MAP2K4: variants seen among roughly 807,000 people sequenced by gnomAD.
MAP2K4 encodes dual specificity mitogen-activated protein kinase kinase 4.
MAP2K4 carries 4 observed loss-of-function variants against 48.5 expected under a neutral mutation model. The observed-to-expected ratio is 0.08, with a 90% CI of 0.04 to 0.19. MAP2K4 has a LOEUF of 0.19. Ranked by LOEUF, MAP2K4 falls within the 10% of genes least tolerant of loss-of-function variation. The probability of loss-of-function intolerance (pLI) is 1.00; values close to 1 mark genes in which losing one functional copy is unlikely to be tolerated. For synonymous variants in MAP2K4, 166 were observed against 173.1 expected (o/e 0.96, Z 0.32); for missense variants, 258 against 493.3 (o/e 0.52, Z 4.52).
intron 2 of MAP2K4, among the ~76,000 whole-genome samples, chr17:12,072,016 A>G (rs929206826): frequency 4.6e-5 from 7 of 152,226 alleles, no homozygotes; most frequent in South Asian, 2.1e-4. Flanking sequence ...ATGGTGAAGA[A>G]TCAAATAGTA....
Position 12,141,390 on chromosome 17 carries a change from C to T in MAP2K4, c.*130C>T, listed in dbSNP as rs1973373462. ...GTGCAATAAGATTGGTGTTCGTTTCCATCATGTCTGTATACTCCTGTCACC... is the reference window on the plus strand; with the variant it reads ...GTGCAATAAGATTGGTGTTCGTTTCTATCATGTCTGTATACTCCTGTCACC... On this transcript the variant is annotated 3_prime_UTR_variant, in exon 11 of 11. Coordinates refer to ENST00000353533, the MANE Select transcript of MAP2K4 (RefSeq NM_003010.4). 4.2e-6 allele frequency: 3 copies of T among 708,586 alleles called. No homozygotes were observed. In the East Asian group the frequency reaches 7.8e-5, roughly 18 times the overall value. 43.9% of individuals were successfully genotyped at this position (708,586 alleles called of 1,614,324 possible).
At chr17:12,078,051 G>A (rs1256658845) in intron 2 of MAP2K4, among the ~76,000 whole-genome samples, 2 of 152,202 alleles carry the variant, frequency 1.3e-5, no homozygotes, top group African/African-American at 4.8e-5. Flanking sequence ...CTTCAGTACA[G>A]TCACATTTGG....
intron 7 of MAP2K4, among the ~76,000 whole-genome samples, chr17:12,119,441 T>A (rs1490338082): frequency 6.6e-6 from 1 of 152,188 alleles, no homozygotes; most frequent in Non-Finnish European, 1.5e-5. Flanking sequence ...CACAATGAGA[T>A]ACATCTCACA....
At chr17:12,125,476 A>G in intron 8 of MAP2K4, 105 bp downstream of exon 8, 1 of 854,786 alleles carries the variant, frequency 1.2e-6, no homozygotes, top group Non-Finnish European at 2.0e-6. Context: ...AACTATAATC[A>G]CAGACACTAT....
chr17:12,132,948 A>G (rs978153804), intron 9 of MAP2K4, among the ~76,000 whole-genome samples: 9 of 152,188 alleles, frequency 5.9e-5, no homozygotes, highest in East Asian at 1.9e-4. Context: ...TTGCACAGTG[A>G]ATTTCGACAT....
chr17:12,103,066 G>T (rs892752184), intron 4 of MAP2K4, among the ~76,000 whole-genome samples: 8 of 150,412 alleles, frequency 5.3e-5, no homozygotes, highest in Non-Finnish European at 1.2e-4. Flanking sequence ...AAAAGTCAGG[G>T]TCTTGCTCTG....
At chr17:12,042,480 T>C (rs970597681) in intron 1 of MAP2K4, among the ~76,000 whole-genome samples, 2 of 151,736 alleles carry the variant, frequency 1.3e-5, no homozygotes, top group African/African-American at 2.4e-5. Context: ...ACCCCTTCTC[T>C]ACAAAAAAAT....
chr17:12,049,754 G>A (rs1294140824), intron 1 of MAP2K4, among the ~76,000 whole-genome samples: 1 of 152,158 alleles, frequency 6.6e-6, no homozygotes, highest in Non-Finnish European at 1.5e-5. Context: ...CAAGCCCCAA[G>A]GCCAGCCCAG....
intron 10 of MAP2K4, among the ~76,000 whole-genome samples, chr17:12,140,180 A>G (rs1337529703): frequency 6.8e-6 from 1 of 147,886 alleles, no homozygotes; most frequent in African/African-American, 2.5e-5. Context: ...GTCTATTTAT[A>G]TGGGATGCAG....
chr17:12,096,907 A>G (rs766167595), intron 4 of MAP2K4, among the ~76,000 whole-genome samples: 3 of 152,074 alleles, frequency 2.0e-5, no homozygotes, highest in Non-Finnish European at 4.4e-5. Flanking sequence ...GTTAATTCTC[A>G]ACTCGTAGTT....
intron 1 of MAP2K4, among the ~76,000 whole-genome samples, chr17:12,043,650 A>T (rs1282737239): frequency 6.6e-6 from 1 of 152,138 alleles, no homozygotes; most frequent in Non-Finnish European, 1.5e-5. Flanking sequence ...TGGCTTTATT[A>T]TAAAGGTTAC....
intron 7 of MAP2K4, among the ~76,000 whole-genome samples, chr17:12,116,814 TTGA>T (rs1972514165): frequency 6.6e-6 from 1 of 152,116 alleles, no homozygotes; most frequent in Non-Finnish European, 1.5e-5. Context: ...CCAGAAGCTG[TTGA>T]TAACTTTTTT....
chr17:12,076,251 T>G (rs189927887), intron 2 of MAP2K4, among the ~76,000 whole-genome samples: 141 of 151,596 alleles, frequency 9.3e-4, no homozygotes, highest in African/African-American at 3.2e-3. Context: ...CCAGTCTGAT[T>G]AATGTTCTGG....
At chr17:12,135,713 C>G (rs1973185194) in intron 9 of MAP2K4, among the ~76,000 whole-genome samples, 1 of 152,030 alleles carries the variant, frequency 6.6e-6, no homozygotes, top group Non-Finnish European at 1.5e-5. Context: ...CCACTCCCAG[C>G]TAATTTTTGT....
At chr17:12,116,417 T>C (rs1484709387) in intron 7 of MAP2K4, among the ~76,000 whole-genome samples, 1 of 152,106 alleles carries the variant, frequency 6.6e-6, no homozygotes, top group Admixed American at 6.5e-5. Context: ...ACATGACATT[T>C]ATAAAAATTT....
At chr17:12,100,523 G>A (rs1202798985) in intron 4 of MAP2K4, among the ~76,000 whole-genome samples, 2 of 152,088 alleles carry the variant, frequency 1.3e-5, no homozygotes, top group Admixed American at 6.5e-5. Flanking sequence ...GTTGCTTTGA[G>A]CATTTATGTA....
chr17:12,022,340 C>A (rs1453517997), intron 1 of MAP2K4, among the ~76,000 whole-genome samples: 1 of 152,170 alleles, frequency 6.6e-6, no homozygotes, highest in Non-Finnish European at 1.5e-5. Flanking sequence ...TGTGCAGGCC[C>A]TCAGATAATT....
intron 2 of MAP2K4, among the ~76,000 whole-genome samples, chr17:12,056,419 C>T (rs1385887087): frequency 2.6e-5 from 4 of 151,994 alleles, no homozygotes; most frequent in African/African-American, 9.7e-5. Flanking sequence ...AAACTTTCTT[C>T]CAAAGTTGAG....
At position 12,075,994 on chromosome 17, in the gene MAP2K4, G is replaced by A. The variant is rs576521859; in HGVS notation, c.219-5362G>A. 3.3e-4 allele frequency among the ~76,000 whole-genome samples: 50 copies of A among 152,140 alleles called. 1 individual carries two copies. Among genetic ancestry groups the A allele is most frequent in the African/African-American group, 1.1e-3 (47 of 41,498 alleles). On this transcript the variant is annotated intron_variant, in intron 2 of 10. Transcript: ENST00000353533. ...TCTTCTACCTTTGTAGCTTTAGGAG[G>A]GATTTTAGATTCGGTGTCTGGTTGG... is the stretch of plus-strand genomic sequence containing the variant.
Sources: allele counts gnomAD v4.1 joint callset (sites outside exome capture counted in the v4.1 genomes callset), GRCh38; gene constraint gnomAD v4.1.1; transcripts MANE v1.5; gene names NCBI Gene and HGNC (gene_info 2026-07-23, HGNC 2026-07-21).